Variants in SH3GLB1 observed in about 807,000 individuals in gnomAD.
The protein encoded by SH3GLB1 is SH3 domain containing GRB2 like, endophilin B1.
A neutral mutation model predicts 42.0 loss-of-function variants in SH3GLB1; 17 were observed. That is an observed-to-expected ratio of 0.40 (90% confidence interval 0.28 to 0.61). The LOEUF (loss-of-function observed/expected upper bound fraction) is 0.61, where lower values mean the gene tolerates loss of function less well. Among genes scored for constraint, SH3GLB1 ranks in the 20% least tolerant of loss-of-function variants. The pLI is 0.36. For synonymous variants in SH3GLB1, 132 were observed against 146.6 expected (o/e 0.90, Z 0.72); for missense variants, 355 against 426.3 (o/e 0.83, Z 1.47).
chr1:86,716,310 T>C (rs1453508229), intron 2 of SH3GLB1, among the ~76,000 whole-genome samples: 1 of 152,184 alleles, frequency 6.6e-6, no homozygotes, highest in Non-Finnish European at 1.5e-5. Context: ...AGTCTCGCCC[T>C]GTCGCCCATG....
chr1:86,717,371 C>T (rs1299466244), intron 2 of SH3GLB1, among the ~76,000 whole-genome samples: 2 of 151,940 alleles, frequency 1.3e-5, no homozygotes, highest in Non-Finnish European at 1.5e-5. Context: ...GCCAGGAAGT[C>T]GTAATAATTG....
intron 3 of SH3GLB1, 130 bp downstream of exon 3, chr1:86,719,765 G>T (rs971926910): frequency 7.0e-5 from 57 of 818,420 alleles, no homozygotes; most frequent in Non-Finnish European, 9.9e-5. Context: ...GGTGGTTGAG[G>T]TGGGCGGATC....
chr1:86,731,996 T>C (rs1350170337), intron 5 of SH3GLB1, among the ~76,000 whole-genome samples: 1 of 152,034 alleles, frequency 6.6e-6, no homozygotes, highest in East Asian at 1.9e-4. Flanking sequence ...ATTTGGGAGG[T>C]GGAGTTTGCA....
rs919181523 is a variant in SH3GLB1 at position 86,734,799 on chromosome 1, A to G, written c.660+108A>G. On this transcript the variant is annotated intron_variant, in intron 6 of 8. Transcript: ENST00000370558. ...TCAGTCATTCATCAAGGAAATTTAA[A>G]TTGTTCTACTTTCCAATATATCCGA... 7 of 750,004 alleles carry G rather than the reference A, an allele frequency of 9.3e-6. No individual in the cohort carries two copies. In the East Asian group the frequency reaches 1.1e-4, roughly 11 times the overall value. The allele number at this position is 750,004 out of a possible 1,614,324, so 46.5% of individuals were successfully genotyped here.
At chr1:86,726,719 C>T (rs1024134064) in intron 5 of SH3GLB1, among the ~76,000 whole-genome samples, 6 of 151,892 alleles carry the variant, frequency 4.0e-5, no homozygotes, top group Non-Finnish European at 2.9e-5. Flanking sequence ...AACTTTATAG[C>T]AGTTAAGTCT....
chr1:86,728,468 C>T (rs779883725), intron 5 of SH3GLB1: 1 of 1,547,854 alleles, frequency 6.5e-7, no homozygotes, highest in East Asian at 2.4e-5. Context: ...TGCTCAACTT[C>T]CTGCATGTAA....
At position 86,724,402 on chromosome 1, in the gene SH3GLB1, TTCAG is replaced by T; in HGVS notation, c.569_570+2del. The stretch of plus-strand genomic sequence containing the variant: ...AGGCAAAAGCTGCAGAAACTAGAAA[TTCAG>T]TAAGTAAATAGAAAAATATTTTTGA... On this transcript the variant is annotated splice_donor_variant and coding_sequence_variant, in exon 5 of 9. Transcript: ENST00000370558. LOFTEE classifies it high-confidence loss of function. 6.3e-7 allele frequency: 1 copy of T among 1,588,088 alleles called. No homozygotes were observed. Among genetic ancestry groups the T allele is most frequent in the Non-Finnish European group, 8.6e-7 (1 of 1,168,746 alleles).
chr1:86,722,459 C>A, intron 3 of SH3GLB1, 81 bp from the exon 4 acceptor site: 5 of 1,339,432 alleles, frequency 3.7e-6, no homozygotes, highest in East Asian at 2.5e-5. Context: ...TTAAACAGAC[C>A]AAATTGCTGA....
chr1:86,728,938 C>T (rs1181809185), intron 5 of SH3GLB1, among the ~76,000 whole-genome samples: 4 of 152,128 alleles, frequency 2.6e-5, no homozygotes, highest in Non-Finnish European at 5.9e-5. Flanking sequence ...CCAAGACAGA[C>T]CCCATTAGGT....
At chr1:86,709,966 T>G (rs1654102971) in intron 1 of SH3GLB1, among the ~76,000 whole-genome samples, 1 of 152,222 alleles carries the variant, frequency 6.6e-6, no homozygotes, top group Non-Finnish European at 1.5e-5. Flanking sequence ...CAAGCACTTC[T>G]GAAATCCTAT....
At chr1:86,706,749 A>G (rs1039970704) in intron 1 of SH3GLB1, among the ~76,000 whole-genome samples, 2 of 152,222 alleles carry the variant, frequency 1.3e-5, no homozygotes, top group Non-Finnish European at 2.9e-5. Context: ...ATACAGTTAA[A>G]TATGTTTCAG....
intron 5 of SH3GLB1, among the ~76,000 whole-genome samples, chr1:86,731,258 A>G (rs954798718): frequency 2.0e-5 from 3 of 152,210 alleles, no homozygotes; most frequent in Non-Finnish European, 2.9e-5. Context: ...TGACATCCAC[A>G]TGAGGATAAC....
intron 8 of SH3GLB1, 116 bp downstream of exon 8, chr1:86,742,552 T>C (rs1656110062): frequency 5.0e-6 from 3 of 604,428 alleles, no homozygotes; most frequent in Non-Finnish European, 8.4e-6. Context: ...AGATTACAGA[T>C]AGTTATATTA....
At chr1:86,717,098 C>G (rs1393807007) in intron 2 of SH3GLB1, among the ~76,000 whole-genome samples, 1 of 152,160 alleles carries the variant, frequency 6.6e-6, no homozygotes, top group Non-Finnish European at 1.5e-5. Flanking sequence ...GGTAGCAAAT[C>G]TGCATGTGTA....
chr1:86,740,711 G>A (rs1372161744), intron 7 of SH3GLB1, among the ~76,000 whole-genome samples: 1 of 152,162 alleles, frequency 6.6e-6, no homozygotes, highest in African/African-American at 2.4e-5. Flanking sequence ...GCTGAACTAG[G>A]ATCAGGTATG....
intron 2 of SH3GLB1, among the ~76,000 whole-genome samples, chr1:86,717,646 TC>T (rs1441454681): frequency 6.6e-6 from 1 of 152,122 alleles, no homozygotes; most frequent in Non-Finnish European, 1.5e-5. Flanking sequence ...GGTCTCGAAC[TC>T]CCGACCTCAG....
At chr1:86,725,038 TAAA>T (rs1363985394) in intron 5 of SH3GLB1, among the ~76,000 whole-genome samples, 14 of 149,486 alleles carry the variant, frequency 9.4e-5, no homozygotes, top group African/African-American at 2.9e-4. Context: ...TAGCTGCTGC[TAAA>T]AAACAAAAAT....
At position 86,710,395 on chromosome 1, in the gene SH3GLB1, G is replaced by T. The variant is rs372381854; in HGVS notation, c.73-5329G>T. The stretch of plus-strand genomic sequence containing the variant: ...TCCTCCTTCCTCAGCCCCTCTAGTA[G>T]CTGGGATTACAGACACGCGCCACCG... On this transcript the variant is annotated intron_variant, in intron 1 of 8. Coordinates refer to ENST00000370558, the MANE Select transcript of SH3GLB1 (RefSeq NM_016009.5). Among the ~76,000 whole-genome samples, 12 of 152,066 alleles carry T rather than the reference G, an allele frequency of 7.9e-5. No homozygotes were observed. The East Asian group carries it at 1.9e-3, about 25-fold the overall frequency.
chr1:86,726,587 T>C (rs980446036), intron 5 of SH3GLB1, among the ~76,000 whole-genome samples: 1 of 152,078 alleles, frequency 6.6e-6, no homozygotes, highest in Non-Finnish European at 1.5e-5. Flanking sequence ...TTCTAGAACT[T>C]ACGTATTACA....
Sources: gnomAD v4.1 joint callset for allele counts (sites outside exome capture counted in the v4.1 genomes callset) on GRCh38, gnomAD v4.1.1 for gene constraint, MANE v1.5 for transcripts, NCBI Gene and HGNC (gene_info 2026-07-23, HGNC 2026-07-21) for gene names.